The following AGBL4 variants were observed in gnomAD, a reference collection of about 807,000 sequenced individuals.
AGBL4 encodes the protein AGBL carboxypeptidase 4, also known as cytosolic carboxypeptidase 6.
Under a neutral mutation model 66.4 loss-of-function variants are expected in AGBL4, and 58 were observed. The observed-to-expected ratio is 0.87, with a 90% confidence interval of 0.71 to 1.09. The LOEUF is 1.09. Ranked by LOEUF, AGBL4 falls within the 50% of genes least tolerant of loss-of-function variation. AGBL4 has a pLI of 0.00. For synonymous variants in AGBL4, 234 were observed against 222.9 expected (o/e 1.05, Z -0.44); for missense variants, 579 against 631.0 (o/e 0.92, Z 0.88).
At chr1:49,426,624 T>G (rs1645665968) in intron 3 of AGBL4, among the ~76,000 whole-genome samples, 1 of 152,318 alleles carries the variant, frequency 6.6e-6, no homozygotes, top group South Asian at 2.1e-4. Flanking sequence ...TATTTAATAC[T>G]TGTTCTGTGC....
intron 3 of AGBL4, among the ~76,000 whole-genome samples, chr1:49,670,078 GA>G (rs1489544207): frequency 6.6e-6 from 1 of 150,630 alleles, no homozygotes; most frequent in Non-Finnish European, 1.5e-5. Context: ...GTATAAATTT[GA>G]AAAAAAAATT....
At chr1:50,012,224 T>C (rs1266868509) in intron 1 of AGBL4, among the ~76,000 whole-genome samples, 1 of 146,724 alleles carries the variant, frequency 6.8e-6, no homozygotes, top group African/African-American at 2.5e-5. Context: ...AGTGGGAGGC[T>C]GGGGATATGG....
intron 3 of AGBL4, among the ~76,000 whole-genome samples, chr1:49,436,897 CTG>C (rs1229409932): frequency 6.6e-6 from 1 of 152,110 alleles, no homozygotes; most frequent in Non-Finnish European, 1.5e-5. Context: ...TAAATAGAAA[CTG>C]TGAATTCCAC....
intron 3 of AGBL4, among the ~76,000 whole-genome samples, chr1:49,655,025 C>G (rs1417196538): frequency 1.3e-5 from 2 of 152,124 alleles, no homozygotes; most frequent in East Asian, 1.9e-4. Flanking sequence ...CATCAATGGT[C>G]TTTATAATTT....
In AGBL4 at chr1:48,776,878, G is replaced by C. The variant is rs369089302; in HGVS notation, c.634+90313C>G. On this transcript the variant is annotated intron_variant, in intron 6 of 13. Transcript: ENST00000371839. Reference sequence around the variant, plus strand: ...CCGGTCGGGCAGCTCAGCCCGCGGGGCGGGCGCGGAGGTGGGGATCCGGCG... The same window carrying C: ...CCGGTCGGGCAGCTCAGCCCGCGGGCCGGGCGCGGAGGTGGGGATCCGGCG... 5 of 1,366,988 alleles carry C rather than the reference G, an allele frequency of 3.7e-6. No individual in the cohort carries two copies. The East Asian group carries it at 1.5e-4, about 42-fold the overall frequency. 84.7% of individuals were successfully genotyped at this position (1,366,988 alleles called of 1,614,324 possible).
At chr1:49,344,030 A>AT in intron 3 of AGBL4, among the ~76,000 whole-genome samples, 1 of 152,286 alleles carries the variant, frequency 6.6e-6, no homozygotes, top group South Asian at 2.1e-4. Context: ...AATTTACCTA[A>AT]TTTAGAGCCA....
At chr1:48,962,362 T>G (rs1466671443) in intron 5 of AGBL4, among the ~76,000 whole-genome samples, 1 of 152,194 alleles carries the variant, frequency 6.6e-6, no homozygotes, top group East Asian at 1.9e-4. Context: ...ACTCAATACT[T>G]GCACATTTTC....
chr1:49,418,001 T>C, intron 3 of AGBL4, among the ~76,000 whole-genome samples: 1 of 152,312 alleles, frequency 6.6e-6, no homozygotes, highest in East Asian at 1.9e-4. Context: ...TTATTGTTTG[T>C]TTTATTTTTC....
intron 4 of AGBL4, among the ~76,000 whole-genome samples, chr1:49,234,762 A>G (rs1650587700): frequency 6.6e-6 from 1 of 152,168 alleles, no homozygotes; most frequent in Non-Finnish European, 1.5e-5. Flanking sequence ...TTACTTCTAC[A>G]TCTCAGGAAA....
intron 5 of AGBL4, among the ~76,000 whole-genome samples, chr1:48,874,774 G>A (rs1265383417): frequency 1.3e-5 from 2 of 152,072 alleles, no homozygotes; most frequent in African/African-American, 4.8e-5. Flanking sequence ...TCCTCTGTGA[G>A]GAAAGAGAGC....
intron 6 of AGBL4, among the ~76,000 whole-genome samples, chr1:48,743,419 T>C (rs1650243920): frequency 6.6e-6 from 1 of 152,194 alleles, no homozygotes; most frequent in Non-Finnish European, 1.5e-5. Flanking sequence ...TCTAAAGGGG[T>C]TATTTTTTCT....
chr1:48,850,270 A>G (rs965092266), intron 6 of AGBL4, among the ~76,000 whole-genome samples: 1 of 152,174 alleles, frequency 6.6e-6, no homozygotes, highest in African/African-American at 2.4e-5. Flanking sequence ...CATCCCTTCA[A>G]CTGAGGTGAC....
chr1:48,746,582 G>T (rs1299315211), intron 6 of AGBL4, among the ~76,000 whole-genome samples: 2 of 152,256 alleles, frequency 1.3e-5, no homozygotes, highest in Admixed American at 1.3e-4. Flanking sequence ...CCTGGTGAAA[G>T]CTCTCCGCAA....
chr1:49,803,047 T>A (rs529025554), intron 2 of AGBL4, among the ~76,000 whole-genome samples: 1 of 151,060 alleles, frequency 6.6e-6, no homozygotes, highest in East Asian at 1.9e-4. Context: ...GTTAAATATA[T>A]GATATATAAG....
intron 3 of AGBL4, among the ~76,000 whole-genome samples, chr1:49,688,384 T>A (rs1238659107): frequency 1.3e-5 from 2 of 152,302 alleles, no homozygotes; most frequent in African/African-American, 4.8e-5. Context: ...TCCAGTTCCA[T>A]CCATGTTGTT....
At chr1:49,910,932 T>C (rs193118654) in intron 1 of AGBL4, among the ~76,000 whole-genome samples, 1 of 152,292 alleles carries the variant, frequency 6.6e-6, no homozygotes, top group Non-Finnish European at 1.5e-5. Context: ...GCTGCGATCA[T>C]GCCACTTCCC....
chr1:49,267,683 A>C lies in AGBL4; in HGVS notation c.283-21819T>G, dbSNP rs559244762. 3.1e-3 allele frequency among the ~76,000 whole-genome samples: 476 copies of C among 152,206 alleles called. 1 individual carries two copies. The highest frequency in any genetic ancestry group is 4.2e-3 in the Non-Finnish European group (285 of 67,998). On this transcript the variant is annotated intron_variant, in intron 3 of 13. Transcript: ENST00000371839. ...CAACGGAGCGAGACTCTGTCCCAAA[A>C]AAAAAAGACATACCCAAGACTGGGT...
At chr1:48,837,711 CTATATAT>C (rs1455907094) in intron 6 of AGBL4, among the ~76,000 whole-genome samples, 2 of 82,312 alleles carry the variant, frequency 2.4e-5, no homozygotes, top group South Asian at 5.9e-4. Flanking sequence ...CACACACACA[CTATATAT>C]ATATATATAT....
chr1:49,765,717 T>C (rs1347362243), intron 2 of AGBL4, among the ~76,000 whole-genome samples: 1 of 150,622 alleles, frequency 6.6e-6, no homozygotes. Context: ...ATCCAGAAAA[T>C]GAAGGAAGAG....
Sources: gnomAD v4.1 joint callset for allele counts (sites outside exome capture counted in the v4.1 genomes callset) on GRCh38, gnomAD v4.1.1 for gene constraint, MANE v1.5 for transcripts, NCBI Gene and HGNC (gene_info 2026-07-23, HGNC 2026-07-21) for gene names.